The following CFH variants were observed in gnomAD, a reference collection of about 807,000 sequenced individuals.
CFH encodes H factor 1 (complement).
A neutral mutation model predicts 147.3 loss-of-function variants in CFH; 53 were observed. The observed-to-expected ratio is 0.36, with a 90% CI of 0.29 to 0.45. The LOEUF (loss-of-function observed/expected upper bound fraction) is 0.45. Among genes scored for constraint, CFH ranks in the 20% least tolerant of loss-of-function variants. The probability of loss-of-function intolerance (pLI) is 1.00; values close to 1 mark genes in which losing one functional copy is unlikely to be tolerated. For synonymous variants in CFH, 536 were observed against 489.4 expected (o/e 1.10, Z -1.26); for missense variants, 1,380 against 1,498.0 (o/e 0.92, Z 1.30).
chr1:196,744,627 CT>C (rs1376664876), intron 20 of CFH, among the ~76,000 whole-genome samples: 2 of 152,120 alleles, frequency 1.3e-5, no homozygotes, highest in East Asian at 3.8e-4. Flanking sequence ...CATTTACACT[CT>C]CCACGTTGTA....
intron 9 of CFH, among the ~76,000 whole-genome samples, chr1:196,712,428 T>C (rs1433941224): frequency 6.6e-6 from 1 of 151,502 alleles, no homozygotes; most frequent in Admixed American, 6.6e-5. Context: ...ATGATAAATT[T>C]CCCTCTGAGG....
chr1:196,670,340 G>C (rs1270290747), intron 1 of CFH, among the ~76,000 whole-genome samples: 1 of 152,038 alleles, frequency 6.6e-6, no homozygotes, highest in Non-Finnish European at 1.5e-5. Context: ...TTTGGGAAAG[G>C]CAAGGGGCAG....
At chr1:196,718,419 T>G (rs1043740503) in intron 11 of CFH, among the ~76,000 whole-genome samples, 9 of 152,060 alleles carry the variant, frequency 5.9e-5, no homozygotes, top group Admixed American at 5.9e-4. Context: ...GAAGGGTATG[T>G]GCAACAGCTG....
chr1:196,652,517 A>G (rs549563485), intron 1 of CFH, among the ~76,000 whole-genome samples: 28 of 152,026 alleles, frequency 1.8e-4, no homozygotes, highest in Admixed American at 7.9e-4. Context: ...GTATTATGTG[A>G]AAGCATTAAG....
chr1:196,735,644 A>G (rs1353523911), intron 15 of CFH, among the ~76,000 whole-genome samples: 2 of 152,122 alleles, frequency 1.3e-5, no homozygotes, highest in Non-Finnish European at 2.9e-5. Flanking sequence ...TACAATCTAG[A>G]AGGTAGACAG....
In CFH at chr1:196,740,647, T is replaced by G; in HGVS notation, c.2811T>G (p.Ile937Met). 2 of 1,613,928 alleles carry G rather than the reference T, an allele frequency of 1.2e-6. No homozygotes were observed. Among genetic ancestry groups the G allele is most frequent in the Non-Finnish European group, 1.7e-6 (2 of 1,179,922 alleles). The change falls in exon 18 of 22, where the codon ATT (isoleucine) becomes ATG (methionine). Residue 937 changes from isoleucine (I) to methionine (M), a missense_variant. Transcript: ENST00000367429. ...TTCCTTGTAAATCTCCACCTGAGAT[T>G]TCTCATGGTGTTGTAGCTCACATGT... is the stretch of plus-strand genomic sequence containing the variant. ...EGLPCKSPPE[I>M]SHGVVAHMSD... is the part of the protein sequence containing the mutation.
At chr1:196,686,842 T>G (rs902490846) in intron 7 of CFH, among the ~76,000 whole-genome samples, 3 of 152,020 alleles carry the variant, frequency 2.0e-5, no homozygotes, top group Non-Finnish European at 4.4e-5. Context: ...GATAGAGGAG[T>G]TGATGAGTTA....
intron 15 of CFH, 31 bp downstream of exon 15, chr1:196,728,553 T>C: frequency 6.2e-7 from 1 of 1,600,820 alleles, no homozygotes; most frequent in Non-Finnish European, 8.6e-7. Flanking sequence ...CAGAAATGTA[T>C]TCTATTTCTC....
intron 17 of CFH, among the ~76,000 whole-genome samples, chr1:196,739,193 T>C (rs972310828): frequency 6.6e-6 from 1 of 152,160 alleles, no homozygotes; most frequent in Non-Finnish European, 1.5e-5. Flanking sequence ...GGGCCTGTGA[T>C]GGGTGGGGGT....
intron 7 of CFH, 67 bp from the exon 8 acceptor site, chr1:196,689,353 T>C: frequency 7.2e-7 from 1 of 1,390,366 alleles, no homozygotes; most frequent in Non-Finnish European, 1.0e-6. Context: ...GATAAAAATT[T>C]ATCTCTAATA....
At chr1:196,694,700 C>G (rs887335965) in intron 9 of CFH, among the ~76,000 whole-genome samples, 2 of 152,228 alleles carry the variant, frequency 1.3e-5, no homozygotes, top group African/African-American at 4.8e-5. Context: ...GGCATTCTAA[C>G]TGGCGTGAAT....
chr1:196,652,456 T>C (rs560911345), intron 1 of CFH, among the ~76,000 whole-genome samples: 2 of 152,086 alleles, frequency 1.3e-5, no homozygotes, highest in South Asian at 4.1e-4. Context: ...ATTTCCCTTG[T>C]AATTATCATA....
chr1:196,722,674 G>T (rs1026056104), intron 11 of CFH, among the ~76,000 whole-genome samples: 1 of 152,000 alleles, frequency 6.6e-6, no homozygotes, highest in Non-Finnish European at 1.5e-5. Flanking sequence ...CCTCAAAAAG[G>T]TTTTTTTAGC....
intron 9 of CFH, chr1:196,692,375 GATTA>G (rs1668057848): frequency 3.7e-6 from 3 of 817,264 alleles, no homozygotes; most frequent in African/African-American, 1.8e-5. Context: ...TTTCTTCACA[GATTA>G]ATTGAGGCTA....
At chr1:196,658,369 T>C (rs1446752526) in intron 1 of CFH, among the ~76,000 whole-genome samples, 1 of 149,026 alleles carries the variant, frequency 6.7e-6, no homozygotes, top group Non-Finnish European at 1.5e-5. Context: ...CACCTAAGCA[T>C]CCCAAGTAGC....
chr1:196,729,713 A>C (rs1669236798), intron 15 of CFH, among the ~76,000 whole-genome samples: 1 of 151,956 alleles, frequency 6.6e-6, no homozygotes, highest in South Asian at 2.1e-4. Flanking sequence ...TGAAGCCATC[A>C]GGTCTTGGAT....
At chr1:196,699,035 G>A (rs886877852) in intron 9 of CFH, among the ~76,000 whole-genome samples, 5 of 152,060 alleles carry the variant, frequency 3.3e-5, no homozygotes, top group African/African-American at 4.8e-5. Flanking sequence ...AATAAACTAG[G>A]TATTGATGGA....
At position 196,747,257 on chromosome 1, in the gene CFH, T is replaced by A. The variant is rs750755559; in HGVS notation, c.3640T>A (p.Leu1214Met). 11 of 1,614,016 alleles carry A rather than the reference T, an allele frequency of 6.8e-6. No individual in the cohort carries two copies. The East Asian group carries it at 2.5e-4, about 36-fold the overall frequency. Residue 1214 changes from leucine to methionine, a missense_variant, in exon 22 of 22, where the codon TTG becomes ATG. Coordinates refer to ENST00000367429, the MANE Select transcript of CFH (RefSeq NM_000186.4). ...GYRLSSRSHT[L>M]RTTCWDGKLE... ...TCGTCTTTCATCACGTTCTCACACA[T>A]TGCGAACAACATGTTGGGATGGGAA...
intron 9 of CFH, among the ~76,000 whole-genome samples, chr1:196,694,048 T>A (rs1668162762): frequency 1.3e-5 from 2 of 151,682 alleles, no homozygotes; most frequent in African/African-American, 4.9e-5. Flanking sequence ...GCAGGTTTGT[T>A]ACATAAGTAT....
Sources: allele counts gnomAD v4.1 joint callset (sites outside exome capture counted in the v4.1 genomes callset), GRCh38; gene constraint gnomAD v4.1.1; transcripts MANE v1.5; gene names NCBI Gene and HGNC (gene_info 2026-07-23, HGNC 2026-07-21).